OTOGL: variants seen among roughly 807,000 people sequenced by gnomAD.
OTOGL encodes otogelin-like protein.
A neutral mutation model predicts 318.5 loss-of-function variants in OTOGL; 285 were observed. The ratio of observed to expected loss-of-function variants is 0.89; its 90% confidence interval spans 0.81 to 0.99. The LOEUF (loss-of-function observed/expected upper bound fraction) is 0.99. Among genes scored for constraint, OTOGL ranks in the 50% least tolerant of loss-of-function variants. The pLI, the probability that OTOGL is intolerant of heterozygous loss-of-function variation, is 0.00. For missense variants in OTOGL, 2,899 were observed against 2,845.6 expected, an observed-to-expected ratio of 1.02 and a Z score of -0.43; for synonymous variants, 987 against 936.5, an observed-to-expected ratio of 1.05 and a Z score of -0.99.
At chr12:80,256,782 TG>T (rs1221559689) in intron 17 of OTOGL, among the ~76,000 whole-genome samples, 8 of 152,168 alleles carry the variant, frequency 5.3e-5, no homozygotes, top group Admixed American at 5.2e-4. Flanking sequence ...CACTCAGCTC[TG>T]GAGAGGGGTG....
At chr12:80,216,053 G>C (rs936852838) in intron 4 of OTOGL, among the ~76,000 whole-genome samples, 1 of 152,070 alleles carries the variant, frequency 6.6e-6, no homozygotes, top group Non-Finnish European at 1.5e-5. Context: ...GATGGCATGC[G>C]CCTGCAGTCC....
chr12:80,101,587 C>A (rs1565860831), intron 1 of OTOGL, among the ~76,000 whole-genome samples: 1 of 152,090 alleles, frequency 6.6e-6, no homozygotes, highest in African/African-American at 2.4e-5. Context: ...TCATGTAGAG[C>A]AATAGCATAA....
intron 1 of OTOGL, among the ~76,000 whole-genome samples, chr12:80,120,528 G>A (rs190343515): frequency 6.6e-6 from 1 of 152,022 alleles, no homozygotes; most frequent in East Asian, 1.9e-4. Flanking sequence ...CTTGAATAAT[G>A]TGCAAACTTC....
intron 1 of OTOGL, among the ~76,000 whole-genome samples, chr12:80,143,862 T>G (rs965281071): frequency 6.6e-6 from 1 of 152,138 alleles, no homozygotes; most frequent in African/African-American, 2.4e-5. Context: ...AATGATAAAC[T>G]GCTCATGTAG....
chr12:80,224,411 T>C (rs924911720), intron 7 of OTOGL, among the ~76,000 whole-genome samples: 1 of 152,128 alleles, frequency 6.6e-6, no homozygotes, highest in African/African-American at 2.4e-5. Context: ...CTTTTTTGGT[T>C]CCATATGAAT....
At chr12:80,297,211 C>G (rs1885463408) in intron 27 of OTOGL, among the ~76,000 whole-genome samples, 2 of 152,168 alleles carry the variant, frequency 1.3e-5, no homozygotes, top group African/African-American at 4.8e-5. Flanking sequence ...CTTGCAACCC[C>G]CACCTATTGC....
At chr12:80,206,692 T>TA (rs1198688296) in intron 1 of OTOGL, among the ~76,000 whole-genome samples, 1 of 151,632 alleles carries the variant, frequency 6.6e-6, no homozygotes, top group Non-Finnish European at 1.5e-5. Flanking sequence ...TTGTATTTTT[T>TA]TTTTTTTTTG....
At chr12:80,369,436 A>T (rs1263445451) in intron 55 of OTOGL, among the ~76,000 whole-genome samples, 2 of 152,106 alleles carry the variant, frequency 1.3e-5, no homozygotes, top group Non-Finnish European at 2.9e-5. Context: ...GGACATGCTT[A>T]CACTTTCCTT....
In OTOGL at chr12:80,249,283, C is replaced by T. The variant is rs561882571; in HGVS notation, c.1053-2410C>T. Among the ~76,000 whole-genome samples the T allele has an allele frequency of 8.8e-4, 134 of 151,426 alleles. 2 individuals are homozygous for T. The East Asian group carries it at 0.022, about 24-fold the overall frequency. On this transcript the variant is annotated intron_variant, in intron 11 of 58. Transcript: ENST00000547103. ...CAGTTTTTCTGTTGTGTTTTTTCCC[C>T]ATCTTTGTGGTTTTATCTACTTTTG...
intron 1 of OTOGL, among the ~76,000 whole-genome samples, chr12:80,205,306 A>G (rs1034000771): frequency 4.6e-5 from 7 of 152,206 alleles, no homozygotes; most frequent in African/African-American, 1.2e-4. Context: ...TTGAAGAAAC[A>G]TTACTTCTTT....
chr12:80,254,586 G>A lies in OTOGL; in HGVS notation c.1441+16G>A, dbSNP rs778209966. 1.1e-5 allele frequency: 18 copies of A among 1,593,382 alleles called. No individual in the cohort carries two copies. The highest frequency in any genetic ancestry group is 1.5e-5 in the Non-Finnish European group (18 of 1,164,256). ...GACTGTCCAGGTAATTTTTTAAAAT[G>A]TTTTTATAGAGAATGTTTCAAATTT... On this transcript the variant is annotated intron_variant, in intron 15 of 58. Coordinates refer to ENST00000547103, the MANE Select transcript of OTOGL (RefSeq NM_001378609.3).
In OTOGL at chr12:80,358,410, G is replaced by T. The variant is rs1566012810; in HGVS notation, c.6121+61G>T. 9.8e-6 allele frequency: 13 copies of T among 1,325,062 alleles called. No homozygotes were observed. In the East Asian group the frequency reaches 9.9e-5, roughly 10 times the overall value. 82.1% of individuals were successfully genotyped at this position (1,325,062 alleles called of 1,614,324 possible). ...GTGTCCAATGTTTAAGAAGCCCAGT[G>T]CATCTTAGTTGGCTGTTACATCAGA... On this transcript the variant is annotated intron_variant, in intron 50 of 58. Coordinates refer to ENST00000547103, the MANE Select transcript of OTOGL (RefSeq NM_001378609.3).
intron 1 of OTOGL, among the ~76,000 whole-genome samples, chr12:80,146,378 T>C (rs1386165929): frequency 6.7e-6 from 1 of 150,246 alleles, no homozygotes; most frequent in Non-Finnish European, 1.5e-5. Context: ...TTGCGTATAT[T>C]GAACCAGCCT....
At chr12:80,329,922 G>A (rs931012775) in intron 37 of OTOGL, among the ~76,000 whole-genome samples, 1 of 152,138 alleles carries the variant, frequency 6.6e-6, no homozygotes, top group African/African-American at 2.4e-5. Flanking sequence ...GTAAATACAA[G>A]CAGCCCACAC....
chr12:80,357,309 T>G (rs928335119), intron 49 of OTOGL, among the ~76,000 whole-genome samples: 3 of 152,126 alleles, frequency 2.0e-5, no homozygotes, highest in Non-Finnish European at 4.4e-5. Context: ...GGTATGATGA[T>G]CTCAAAAAAG....
chr12:80,253,351 G>T (rs1881739679), intron 13 of OTOGL, 115 bp from the exon 14 acceptor site: 1 of 892,668 alleles, frequency 1.1e-6, no homozygotes, highest in South Asian at 1.7e-5. Context: ...AAAGAAATTT[G>T]TATTTCCAGC....
chr12:80,127,197 G>T (rs1165570361), intron 1 of OTOGL, among the ~76,000 whole-genome samples: 3 of 152,148 alleles, frequency 2.0e-5, no homozygotes, highest in African/African-American at 7.2e-5. Flanking sequence ...TCCTTTCCAT[G>T]TTTAGTGCTT....
At chr12:80,189,861 G>A (rs1455882504) in intron 1 of OTOGL, among the ~76,000 whole-genome samples, 1 of 152,184 alleles carries the variant, frequency 6.6e-6, no homozygotes, top group Non-Finnish European at 1.5e-5. Context: ...AGCTATACGG[G>A]AGGAAGCTCT....
rs1182843536 is a variant in OTOGL, at chr12:80,187,909, G to T, written c.-19-21504G>T. Among the ~76,000 whole-genome samples, 4 of 152,166 alleles carry T rather than the reference G, an allele frequency of 2.6e-5. No homozygotes were observed. In the East Asian group the frequency reaches 5.8e-4, roughly 22 times the overall value. ...TTCTACTATCTTGAGAAGGTCACCG[G>T]ATTGCTGCCCCTTCGTTTTTGAAAC... On this transcript the variant is annotated intron_variant, in intron 1 of 58. Transcript: ENST00000547103.
Sources: allele counts gnomAD v4.1 joint callset (sites outside exome capture counted in the v4.1 genomes callset), GRCh38; gene constraint gnomAD v4.1.1; transcripts MANE v1.5; gene names NCBI Gene and HGNC (gene_info 2026-07-23, HGNC 2026-07-21).